Variants in ADAM12 observed in about 807,000 individuals in gnomAD.
ADAM12 encodes disintegrin and metalloproteinase domain-containing protein 12.
A neutral mutation model predicts 106.4 loss-of-function variants in ADAM12; 70 were observed. The observed-to-expected ratio is 0.66, with a 90% CI of 0.54 to 0.80. ADAM12 has a LOEUF of 0.80. Ranked by LOEUF, ADAM12 falls within the 30% of genes least tolerant of loss-of-function variation. The pLI is 0.00. For synonymous variants in ADAM12, 420 were observed against 433.5 expected (o/e 0.97, Z 0.39); for missense variants, 1,010 against 1,171.9 (o/e 0.86, Z 2.02).
chr10:126,352,975 G>C (rs1316893861), intron 1 of ADAM12, among the ~76,000 whole-genome samples: 1 of 152,190 alleles, frequency 6.6e-6, no homozygotes, highest in Non-Finnish European at 1.5e-5. Context: ...ACCAGCTAAA[G>C]TCAAAGCACA....
intron 4 of ADAM12, among the ~76,000 whole-genome samples, chr10:126,147,272 G>C (rs1018880434): frequency 2.0e-5 from 3 of 152,082 alleles, no homozygotes; most frequent in Non-Finnish European, 4.4e-5. Context: ...CGTGCACCTG[G>C]CCTCTGCTGC....
At chr10:126,063,186 C>T (rs757761744) in intron 14 of ADAM12, among the ~76,000 whole-genome samples, 32 of 152,330 alleles carry the variant, frequency 2.1e-4, no homozygotes, top group African/African-American at 2.9e-4. Flanking sequence ...CACCTGCCCA[C>T]GCGCATCCCT....
chr10:126,093,919 T>G (rs1299300915), intron 11 of ADAM12, 66 bp downstream of exon 11: 1 of 1,589,088 alleles, frequency 6.3e-7, no homozygotes, highest in South Asian at 1.1e-5. Flanking sequence ...CTTTGACTCA[T>G]CTGGTTCCCA....
intron 5 of ADAM12, among the ~76,000 whole-genome samples, chr10:126,122,617 T>C (rs1956135046): frequency 6.6e-6 from 1 of 152,038 alleles, no homozygotes; most frequent in African/African-American, 2.4e-5. Context: ...AAAAAGTAGC[T>C]GGGTGTGGTG....
At chr10:126,184,682 C>T (rs1158159073) in intron 3 of ADAM12, among the ~76,000 whole-genome samples, 1 of 152,112 alleles carries the variant, frequency 6.6e-6, no homozygotes, top group Non-Finnish European at 1.5e-5. Context: ...CGACGGCTGC[C>T]ACGCTTCAGT....
intron 3 of ADAM12, among the ~76,000 whole-genome samples, chr10:126,250,820 A>G (rs1052693175): frequency 6.6e-6 from 1 of 152,222 alleles, no homozygotes; most frequent in African/African-American, 2.4e-5. Flanking sequence ...CAGTCCAACA[A>G]TCTTATTCGT....
At chr10:126,354,168 G>T (rs1855460942) in intron 1 of ADAM12, among the ~76,000 whole-genome samples, 1 of 151,842 alleles carries the variant, frequency 6.6e-6, no homozygotes, top group African/African-American at 2.4e-5. Context: ...AAGTAATTTG[G>T]CCTTCCAGAT....
intron 2 of ADAM12, among the ~76,000 whole-genome samples, chr10:126,301,253 G>T (rs1424112866): frequency 3.9e-5 from 6 of 152,178 alleles, no homozygotes; most frequent in Non-Finnish European, 8.8e-5. Flanking sequence ...TAACCAGATG[G>T]TCTATAACCT....
Position 126,289,502 on chromosome 10 carries a change from A to G in ADAM12, c.187-10514T>C, listed in dbSNP as rs977130314. Among the ~76,000 whole-genome samples the G allele has an allele frequency of 1.2e-4, 19 of 152,218 alleles. 1 individual carries two copies. The highest frequency in any genetic ancestry group is 3.9e-4 in the Admixed American group (6 of 15,286). ...CCAGCTGCACTGGAAAGCAGGGCTG[A>G]TGAGGAGGTGTGCTCACCATGGGAA... On this transcript the variant is annotated intron_variant, in intron 2 of 22. Transcript: ENST00000448723.
intron 2 of ADAM12, among the ~76,000 whole-genome samples, chr10:126,313,609 ATCTG>A (rs1961214854): frequency 2.4e-5 from 2 of 82,924 alleles, no homozygotes; most frequent in Admixed American, 2.1e-4. Context: ...CCATCCATCC[ATCTG>A]TCCATCTGTC....
At chr10:126,234,211 C>A (rs1246135172) in intron 3 of ADAM12, among the ~76,000 whole-genome samples, 1 of 152,164 alleles carries the variant, frequency 6.6e-6, no homozygotes, top group Non-Finnish European at 1.5e-5. Flanking sequence ...GAATGAGATT[C>A]TGCGTCATTT....
intron 11 of ADAM12, among the ~76,000 whole-genome samples, chr10:126,075,267 G>A (rs944254016): frequency 6.6e-6 from 1 of 152,202 alleles, no homozygotes; most frequent in Non-Finnish European, 1.5e-5. Flanking sequence ...GGAGGCAGGT[G>A]ACTATTCACT....
At chr10:126,383,148 G>A (rs7082713) in intron 1 of ADAM12, among the ~76,000 whole-genome samples, 2 of 151,844 alleles carry the variant, frequency 1.3e-5, no homozygotes, top group South Asian at 2.1e-4. Flanking sequence ...TGGTGGGGTT[G>A]GGGGGTGTGG....
intron 14 of ADAM12, among the ~76,000 whole-genome samples, chr10:126,061,982 G>A (rs193196619): frequency 1.3e-5 from 2 of 152,292 alleles, no homozygotes; most frequent in Admixed American, 6.5e-5. Context: ...ACTCCCAAAG[G>A]AGGTGGTCAA....
At chr10:126,190,537 C>A (rs1957480118) in intron 3 of ADAM12, among the ~76,000 whole-genome samples, 1 of 152,088 alleles carries the variant, frequency 6.6e-6, no homozygotes, top group South Asian at 2.1e-4. Context: ...AGCCTCCAGC[C>A]AGCTGTGCTG....
chr10:126,029,721 G>A (rs544561444), intron 21 of ADAM12, among the ~76,000 whole-genome samples: 1 of 152,254 alleles, frequency 6.6e-6, no homozygotes, highest in South Asian at 2.1e-4. Context: ...TTTAAAAATG[G>A]CAAAGATGAA....
chr10:126,141,866 G>A (rs1019424728), intron 4 of ADAM12, among the ~76,000 whole-genome samples: 1 of 152,196 alleles, frequency 6.6e-6, no homozygotes, highest in Non-Finnish European at 1.5e-5. Flanking sequence ...CCTATGCAAT[G>A]AGCCAAACTA....
intron 2 of ADAM12, among the ~76,000 whole-genome samples, chr10:126,317,645 T>G (rs1853931979): frequency 6.6e-6 from 1 of 152,156 alleles, no homozygotes; most frequent in Non-Finnish European, 1.5e-5. Context: ...GAAAAGAGCC[T>G]AATGATTAGG....
At chr10:126,089,806 T>G (rs1206418512) in intron 11 of ADAM12, among the ~76,000 whole-genome samples, 1 of 152,076 alleles carries the variant, frequency 6.6e-6, no homozygotes, top group Non-Finnish European at 1.5e-5. Flanking sequence ...CTTCCTTCCA[T>G]GCTTTGCAGG....
Sources: gnomAD v4.1 joint callset for allele counts (sites outside exome capture counted in the v4.1 genomes callset) on GRCh38, gnomAD v4.1.1 for gene constraint, MANE v1.5 for transcripts, NCBI Gene and HGNC (gene_info 2026-07-23, HGNC 2026-07-21) for gene names.